The following TRABD2B variants were observed in gnomAD, a reference collection of about 807,000 sequenced individuals.
The protein encoded by TRABD2B is TraB domain containing 2B.
TRABD2B carries 14 observed loss-of-function variants against 40.1 expected under a neutral mutation model. The ratio of observed to expected loss-of-function variants is 0.35; its 90% CI spans 0.23 to 0.55. TRABD2B has a LOEUF of 0.55. Ranked by LOEUF, TRABD2B falls within the 20% of genes least tolerant of loss-of-function variation. The probability of loss-of-function intolerance (pLI) is 0.90; values close to 1 mark genes in which losing one functional copy is unlikely to be tolerated. For missense variants in TRABD2B, 541 were observed against 648.6 expected (o/e 0.83, Z 1.80); for synonymous variants, 263 against 277.0 (o/e 0.95, Z 0.50).
chr1:47,917,109 G>A (rs1644840179), intron 2 of TRABD2B, among the ~76,000 whole-genome samples: 2 of 152,206 alleles, frequency 1.3e-5, no homozygotes, highest in Admixed American at 6.5e-5. Flanking sequence ...AGGTGTCATG[G>A]ACCAAGTCCA....
intron 2 of TRABD2B, among the ~76,000 whole-genome samples, chr1:47,968,570 G>A (rs1033214265): frequency 6.6e-6 from 1 of 151,918 alleles, no homozygotes; most frequent in Non-Finnish European, 1.5e-5. Context: ...ACACACACAC[G>A]CTCCAAGACA....
Position 47,994,290 on chromosome 1 carries a change from G to C in TRABD2B, c.410C>G (p.Thr137Arg). 1 of 1,536,562 alleles carries C rather than the reference G, an allele frequency of 6.5e-7. No individual in the cohort carries two copies. Residue 137 changes from threonine to arginine, a missense_variant, in exon 2 of 7, where the codon ACG becomes AGG. By Grantham distance (71) the Thr-to-Arg change is moderately conservative. Around this residue, in one of 2 missense-constraint regions of TRABD2B, gnomAD observed 369 missense variants for 492.8 expected, o/e 0.75. Coordinates refer to ENST00000606738, the MANE Select transcript of TRABD2B (RefSeq NM_001194986.2). This position sits in a 1 kb window ranked among gnomAD's most constrained non-coding sequence, Gnocchi z 6.7. ...YVKLMMPSWM[T>R]PAQRGKGLYA... is the part of the protein sequence containing the mutation. Reference sequence around the variant, plus strand: ...GAGCCCCTTGCCCCGCTGAGCGGGCGTCATCCAGGAGGGCATCATCAACTT... The same window carrying C: ...GAGCCCCTTGCCCCGCTGAGCGGGCCTCATCCAGGAGGGCATCATCAACTT...
intron 2 of TRABD2B, among the ~76,000 whole-genome samples, chr1:47,811,433 C>T (rs1298662170): frequency 6.6e-6 from 1 of 152,208 alleles, no homozygotes; most frequent in Non-Finnish European, 1.5e-5. Context: ...ATCGGGAAGC[C>T]TGACTCACCC....
intron 4 of TRABD2B, among the ~76,000 whole-genome samples, chr1:47,780,365 G>T (rs1272732858): frequency 1.3e-5 from 2 of 152,168 alleles, no homozygotes; most frequent in Non-Finnish European, 2.9e-5. Context: ...TCATTCCAGA[G>T]ACCCTTATGA....
At chr1:47,890,316 C>T (rs2124648684) in intron 2 of TRABD2B, among the ~76,000 whole-genome samples, 1 of 152,306 alleles carries the variant, frequency 6.6e-6, no homozygotes, top group Middle Eastern at 3.4e-3. Context: ...ATGCCTAACA[C>T]TGCCCCAGTT....
Position 47,997,099 on chromosome 1 carries a change from G to A in TRABD2B, c.-310C>T. 2 of 983,704 alleles carry A rather than the reference G, an allele frequency of 2.0e-6. No homozygotes were observed. The highest frequency in any genetic ancestry group is 2.4e-6 in the Non-Finnish European group (2 of 828,902). 60.9% of individuals were successfully genotyped at this position (983,704 alleles called of 1,614,324 possible). On this transcript the variant is annotated 5_prime_UTR_variant, in exon 1 of 7. It adds an upstream start codon to the 5' untranslated region. Coordinates refer to ENST00000606738, the MANE Select transcript of TRABD2B (RefSeq NM_001194986.2). The stretch of plus-strand genomic sequence containing the variant: ...GGGGCGCGCGGGGTCCCGGAGCTGC[G>A]TCGCGGTCCAGGGGCGCGCGGGGTT...
At chr1:47,876,599 G>A (rs890002318) in intron 2 of TRABD2B, among the ~76,000 whole-genome samples, 1 of 152,192 alleles carries the variant, frequency 6.6e-6, no homozygotes, top group Non-Finnish European at 1.5e-5. Flanking sequence ...AGAAGTACAG[G>A]TTCATGGAGA....
chr1:47,837,080 T>C (rs962812907), intron 2 of TRABD2B, among the ~76,000 whole-genome samples: 1 of 152,354 alleles, frequency 6.6e-6, no homozygotes, highest in Non-Finnish European at 1.5e-5. Context: ...ACTGGCCTTT[T>C]TGTCATCCAG....
chr1:47,959,033 A>G (rs1468001930), intron 2 of TRABD2B, among the ~76,000 whole-genome samples: 1 of 152,220 alleles, frequency 6.6e-6, no homozygotes, highest in East Asian at 1.9e-4. Flanking sequence ...CAGTGCAATC[A>G]AACTAGAGCT....
chr1:47,994,225 C>G lies in TRABD2B; in HGVS notation c.475G>C (p.Glu159Gln). 6.5e-7 allele frequency: 1 copy of G among 1,546,388 alleles called. No homozygotes were observed. Among genetic ancestry groups the G allele is most frequent in the Non-Finnish European group, 8.7e-7 (1 of 1,151,754 alleles). The change falls in exon 2 of 7, where the codon GAG becomes CAG. Residue 159 changes from glutamate (E) to glutamine (Q), a missense_variant. By Grantham distance (29) the Glu-to-Gln change is conservative (BLOSUM62 2). Around this residue, in one of 2 missense-constraint regions of TRABD2B, gnomAD observed 369 missense variants for 492.8 expected, o/e 0.75. Coordinates refer to ENST00000606738, the MANE Select transcript of TRABD2B (RefSeq NM_001194986.2). The surrounding 1 kb of genome is among the most constrained non-coding windows in gnomAD (Gnocchi z 6.7). The stretch of plus-strand genomic sequence containing the variant: ...ATCACCCAGACGGGCCTCTTGCGCT[C>G]CCAGTTGCCCGCGATGGCATTGAAT... ...YLFNAIAGNWERKRPVWVMLM... is the reference protein window; with the variant it reads ...YLFNAIAGNWQRKRPVWVMLM...
intron 2 of TRABD2B, among the ~76,000 whole-genome samples, chr1:47,894,816 G>A (rs920235393): frequency 6.6e-6 from 1 of 152,114 alleles, no homozygotes; most frequent in African/African-American, 2.4e-5. Context: ...CTGGGGCACC[G>A]TGACACATGC....
chr1:47,794,846 G>T, intron 3 of TRABD2B, 86 bp from the exon 4 acceptor site: 1 of 1,305,468 alleles, frequency 7.7e-7, no homozygotes, highest in Non-Finnish European at 1.0e-6. Flanking sequence ...AGGTTGGAGT[G>T]CAGTGGCTCA....
At chr1:47,844,725 A>G (rs1486194532) in intron 2 of TRABD2B, among the ~76,000 whole-genome samples, 1 of 152,222 alleles carries the variant, frequency 6.6e-6, no homozygotes, top group Non-Finnish European at 1.5e-5. Flanking sequence ...CTACGAGGAT[A>G]AGATTTCAAC....
In TRABD2B at chr1:47,929,236, C is replaced by T. The variant is rs565188622; in HGVS notation, c.666+64798G>A. Among the ~76,000 whole-genome samples the T allele has an allele frequency of 1.4e-4, 22 of 152,340 alleles. No individual in the cohort carries two copies. The South Asian group carries it at 4.1e-3, about 29-fold the overall frequency. On this transcript the variant is annotated intron_variant, in intron 2 of 6. Transcript: ENST00000606738. ...TCCTGAGTCTCATGTGCCAACCCTG[C>T]ACTTGTGTGACTTGAAGAGAGAGAG...
chr1:47,784,622 C>A (rs765494356), intron 4 of TRABD2B, among the ~76,000 whole-genome samples: 3 of 152,212 alleles, frequency 2.0e-5, no homozygotes, highest in Non-Finnish European at 4.4e-5. Context: ...AATCTAGCTG[C>A]CAGGACAGGC....
intron 4 of TRABD2B, among the ~76,000 whole-genome samples, chr1:47,782,414 A>C (rs1297014657): frequency 6.6e-6 from 1 of 152,188 alleles, no homozygotes; most frequent in Non-Finnish European, 1.5e-5. Context: ...TGACTTTGTC[A>C]GAACGTGCTC....
chr1:47,857,241 C>T (rs911250985), intron 2 of TRABD2B, among the ~76,000 whole-genome samples: 2 of 152,212 alleles, frequency 1.3e-5, no homozygotes, highest in Non-Finnish European at 2.9e-5. Flanking sequence ...TTAGTAGGTG[C>T]TCCCTAATCA....
At chr1:47,768,397 C>T (rs1026451282) in intron 6 of TRABD2B, among the ~76,000 whole-genome samples, 2 of 152,080 alleles carry the variant, frequency 1.3e-5, no homozygotes, top group South Asian at 4.2e-4. Flanking sequence ...TGTTGTGCCT[C>T]CCACCCCATG....
chr1:47,765,863 G>A lies in TRABD2B; in HGVS notation c.*39C>T, dbSNP rs1433902181. The stretch of plus-strand genomic sequence containing the variant: ...CAGTTGGGTGTGGCCGAAGACCCCT[G>A]TGTCATTTCTCTGGCTTCTCCACTT... On this transcript the variant is annotated 3_prime_UTR_variant, in exon 7 of 7. Transcript: ENST00000606738. The A allele has an allele frequency of 1.4e-6, 1 of 702,802 alleles. No homozygotes were observed. The highest frequency in any genetic ancestry group is 2.6e-6 in the Non-Finnish European group (1 of 384,946). The allele number at this position is 702,802 out of a possible 1,614,324, so 43.5% of individuals were successfully genotyped here. A position where few individuals can be genotyped will look rare whatever the true frequency, so the allele number is the denominator to read the frequency against.
Sources: gnomAD v4.1 joint callset for allele counts (sites outside exome capture counted in the v4.1 genomes callset) on GRCh38, gnomAD v4.1.1 for gene constraint, gnomAD v4.1.1 regional missense constraint, Gnocchi (gnomAD v3.1) non-coding constraint, MANE v1.5 for transcripts, NCBI Gene and HGNC (gene_info 2026-07-23, HGNC 2026-07-21) for gene names.